Variants in TRMT44 observed in about 807,000 individuals in gnomAD.
TRMT44 encodes tRNA methyltransferase 44 homolog.
TRMT44 carries 78 observed loss-of-function variants against 77.3 expected under a neutral mutation model. The observed-to-expected ratio is 1.01, with a 90% CI of 0.84 to 1.22. TRMT44 has a LOEUF of 1.22. Ranked by LOEUF, TRMT44 falls within the 50% of genes most tolerant of loss-of-function variation. The probability of loss-of-function intolerance (pLI) is 0.00; values close to 1 mark genes in which losing one functional copy is unlikely to be tolerated. For missense variants in TRMT44, 1,090 were observed against 964.4 expected, an observed-to-expected ratio of 1.13 and a Z score of -1.73; for synonymous variants, 391 against 383.3, an observed-to-expected ratio of 1.02 and a Z score of -0.23.
chr4:8,496,553 G>A (rs1477033279), downstream of TRMT44, among the ~76,000 whole-genome samples: 3 of 152,224 alleles, frequency 2.0e-5, no homozygotes, highest in African/African-American at 7.2e-5. Flanking sequence ...ACAGTAGAAA[G>A]ACCTCTGGGC....
At chr4:8,492,920 A>G (rs573211303) in intron 2 of TRMT44, among the ~76,000 whole-genome samples, 50 of 152,184 alleles carry the variant, frequency 3.3e-4, no homozygotes, top group Non-Finnish European at 6.8e-4. Context: ...GTATAAAACC[A>G]AGCTGTGCCC....
chr4:8,494,523 G>T (rs963384360), downstream of TRMT44, among the ~76,000 whole-genome samples: 1 of 152,212 alleles, frequency 6.6e-6, no homozygotes. Context: ...ACAACTGTTT[G>T]TCTCTTAGCT....
At chr4:8,443,194 C>CT (rs1724861111) in intron 1 of TRMT44, among the ~76,000 whole-genome samples, 1 of 152,258 alleles carries the variant, frequency 6.6e-6, no homozygotes, top group East Asian at 1.9e-4. Context: ...TCTTCCAGCT[C>CT]TTATCAACTG....
At chr4:8,493,967 G>A (rs576592134), downstream of TRMT44, among the ~76,000 whole-genome samples, 70 of 148,818 alleles carry the variant, frequency 4.7e-4, no homozygotes, top group African/African-American at 1.4e-3. Context: ...TGTGGATCTC[G>A]TATGCTTAGG....
At chr4:8,463,663 C>T (rs1045666244) in intron 6 of TRMT44, among the ~76,000 whole-genome samples, 3 of 152,230 alleles carry the variant, frequency 2.0e-5, no homozygotes, top group Non-Finnish European at 2.9e-5. Context: ...GAAACCGTTC[C>T]GTGGCCGTCT....
rs1279701463 is a variant in TRMT44, at chr4:8,476,531, A to G, written c.*530A>G. ...TGAGGTTGTTTTTAGAGTTACAGAG[A>G]ATAAAAACACTCATAATTTCCTGAC... On this transcript the variant is annotated 3_prime_UTR_variant, in exon 11 of 11. Transcript: ENST00000389737. The G allele has an allele frequency of 6.4e-6, 1 of 156,062 alleles. No homozygotes were observed. The highest frequency in any genetic ancestry group is 1.4e-5 in the Non-Finnish European group (1 of 70,386). 9.7% of individuals were successfully genotyped at this position (156,062 alleles called of 1,614,324 possible).
intron 1 of TRMT44, among the ~76,000 whole-genome samples, chr4:8,445,478 C>A (rs2688234): frequency 0.35 from 52,555 of 152,074 alleles, 9,911 homozygotes; most frequent in South Asian, 0.46. Context: ...ACGCCACTCA[C>A]CTCCATTCCC....
In TRMT44 at chr4:8,444,160, A is replaced by T. The variant is rs1006213199; in HGVS notation, c.620-2316A>T. Among the ~76,000 whole-genome samples the T allele has an allele frequency of 1.2e-4, 18 of 152,194 alleles. No individual in the cohort carries two copies. Among genetic ancestry groups the T allele is most frequent in the African/African-American group, 3.9e-4 (16 of 41,538 alleles). Reference sequence around the variant, plus strand: ...AGAGGTTTCAGTCGGGGCAGTTTTGATCCTCAGAAGTTTGTCATTCAAACA... The same window carrying T: ...AGAGGTTTCAGTCGGGGCAGTTTTGTTCCTCAGAAGTTTGTCATTCAAACA... On this transcript the variant is annotated intron_variant, in intron 1 of 10. Coordinates refer to ENST00000389737, the MANE Select transcript of TRMT44 (RefSeq NM_152544.3). The surrounding 1 kb of genome is among the most constrained non-coding windows in gnomAD (Gnocchi z 4.0).
downstream of TRMT44, among the ~76,000 whole-genome samples, chr4:8,480,534 A>G (rs968065965): frequency 3.3e-5 from 5 of 152,168 alleles, no homozygotes; most frequent in African/African-American, 9.7e-5. Flanking sequence ...ATACTCTGCC[A>G]TTTTGTCTCT....
At position 8,452,758 on chromosome 4, in the gene TRMT44, T is replaced by G. The variant is rs1359909253; in HGVS notation, c.1024-124T>G. 4 of 514,598 alleles carry G rather than the reference T, an allele frequency of 7.8e-6. No homozygotes were observed. The highest frequency in any genetic ancestry group is 7.9e-5 in the Admixed American group (2 of 25,464). The allele number at this position is 514,598 out of a possible 1,614,324, so 31.9% of individuals were successfully genotyped here. On this transcript the variant is annotated intron_variant, in intron 4 of 10. Coordinates refer to ENST00000389737, the MANE Select transcript of TRMT44 (RefSeq NM_152544.3). This position sits in a 1 kb window ranked among gnomAD's most constrained non-coding sequence, Gnocchi z 5.7. ...TCAAAAAAAGAAAAAAAAAAAAGAA[T>G]GTTTAGTGTAGATGATTTCAAGTTT...
intron 10 of TRMT44, among the ~76,000 whole-genome samples, chr4:8,474,333 G>T (rs758985086): frequency 6.6e-6 from 1 of 152,204 alleles, no homozygotes; most frequent in Non-Finnish European, 1.5e-5. Context: ...TGGGGACATG[G>T]GCAGAGTGTC....
In TRMT44 at chr4:8,464,030, G is replaced by C. The variant is rs1188252883; in HGVS notation, c.1249G>C (p.Asp417His). 2 of 1,613,974 alleles carry C rather than the reference G, an allele frequency of 1.2e-6. No homozygotes were observed. The highest frequency in any genetic ancestry group is 2.2e-5 in the East Asian group (1 of 44,880). ...PNDKTLFPDV[D>H]WLIGNHSDEL... ...TGATAAGACCCTTTTCCCTGATGTT[G>C]ATTGGTTAATCGGTAACCATTCTGA... is the stretch of plus-strand genomic sequence containing the variant. Residue 417 changes from aspartate to histidine, a missense_variant, in exon 7 of 11, where the codon GAT becomes CAT. Transcript: ENST00000389737.
rs533251782 is a variant in TRMT44, at chr4:8,451,176, G to A, written c.955-784G>A. Reference sequence around the variant, plus strand: ...ATTGCTGAAGCACCTGTGGGTCCCCGGGGTTGGCTGACTGAGGCTGGGCTC... The same window carrying A: ...ATTGCTGAAGCACCTGTGGGTCCCCAGGGTTGGCTGACTGAGGCTGGGCTC... On this transcript the variant is annotated intron_variant, in intron 3 of 10. Coordinates refer to ENST00000389737, the MANE Select transcript of TRMT44 (RefSeq NM_152544.3). This position sits in a 1 kb window ranked among gnomAD's most constrained non-coding sequence, Gnocchi z 4.1. 1.5e-4 allele frequency among the ~76,000 whole-genome samples: 23 copies of A among 152,202 alleles called. No homozygotes were observed. The highest frequency in any genetic ancestry group is 1.3e-3 in the Admixed American group (20 of 15,288).
chr4:8,492,945 C>T (rs1244332269), intron 2 of TRMT44, among the ~76,000 whole-genome samples: 1 of 152,192 alleles, frequency 6.6e-6, no homozygotes, highest in Non-Finnish European at 1.5e-5. Context: ...ACCTTGGGCA[C>T]ATGTCGTCAG....
intron 2 of TRMT44, among the ~76,000 whole-genome samples, chr4:8,487,638 A>G (rs1727856900): frequency 6.6e-6 from 1 of 152,010 alleles, no homozygotes; most frequent in Non-Finnish European, 1.5e-5. Flanking sequence ...GGGCGTGGAA[A>G]TAAGGGATTG....
At chr4:8,441,700 T>C (rs907564111) in intron 1 of TRMT44, among the ~76,000 whole-genome samples, 3 of 151,806 alleles carry the variant, frequency 2.0e-5, no homozygotes, top group African/African-American at 7.3e-5. Context: ...TACCTAGGAG[T>C]TTAGCAGGTA....
At chr4:8,468,898 C>T (rs1726790780) in intron 9 of TRMT44, among the ~76,000 whole-genome samples, 1 of 152,192 alleles carries the variant, frequency 6.6e-6, no homozygotes, top group Admixed American at 6.5e-5. Context: ...GCTGTAAGGA[C>T]CTCGCCTCCT....
At chr4:8,490,976 TAG>T (rs978747133) in intron 2 of TRMT44, among the ~76,000 whole-genome samples, 1 of 144,088 alleles carries the variant, frequency 6.9e-6, no homozygotes, top group African/African-American at 2.5e-5. Context: ...AGCAGCTAGA[TAG>T]AGAGTGTCGA....
intron 1 of TRMT44, among the ~76,000 whole-genome samples, chr4:8,443,886 G>A (rs1210885571): frequency 6.6e-6 from 1 of 152,060 alleles, no homozygotes; most frequent in Non-Finnish European, 1.5e-5. Flanking sequence ...CGTGAACCCG[G>A]TGAGTGGAGG....
Sources: gnomAD v4.1 joint callset for allele counts (sites outside exome capture counted in the v4.1 genomes callset) on GRCh38, gnomAD v4.1.1 for gene constraint, Gnocchi (gnomAD v3.1) non-coding constraint, MANE v1.5 for transcripts, NCBI Gene and HGNC (gene_info 2026-07-23, HGNC 2026-07-21) for gene names.